Variants in OPRL1 observed in about 807,000 individuals in gnomAD.
The protein encoded by OPRL1 is opioid related nociceptin receptor 1.
OPRL1 carries 5 observed loss-of-function variants against 15.5 expected under a neutral mutation model. The ratio of observed to expected loss-of-function variants is 0.32; its 90% CI spans 0.17 to 0.68. OPRL1 has a LOEUF of 0.68. Ranked by LOEUF, OPRL1 falls within the 30% of genes least tolerant of loss-of-function variation. The pLI, the probability that OPRL1 is intolerant of heterozygous loss-of-function variation, is 0.72. For synonymous variants in OPRL1, 223 were observed against 230.2 expected, an observed-to-expected ratio of 0.97 and a Z score of 0.28; for missense variants, 406 against 515.3, an observed-to-expected ratio of 0.79 and a Z score of 2.05.
At chr20:64,086,910 G>A (rs1022056658) in intron 1 of OPRL1, among the ~76,000 whole-genome samples, 2 of 152,142 alleles carry the variant, frequency 1.3e-5, no homozygotes, top group Non-Finnish European at 2.9e-5. Context: ...CTGCCCTGGG[G>A]GTGGGAGTGG....
At chr20:64,080,727 G>T (rs1035879748) in intron 1 of OPRL1, among the ~76,000 whole-genome samples, 4 of 152,134 alleles carry the variant, frequency 2.6e-5, no homozygotes, top group Non-Finnish European at 5.9e-5. Context: ...CCCTGCTCTG[G>T]AAGTGTCTGC....
Position 64,097,191 on chromosome 20 carries a change from TCAC to T in OPRL1, c.234-608_234-606del, listed in dbSNP as rs1000325653. Among the ~76,000 whole-genome samples, 2 of 152,114 alleles carry T rather than the reference TCAC, an allele frequency of 1.3e-5. No homozygotes were observed. Among genetic ancestry groups the T allele is most frequent in the African/African-American group, 4.8e-5 (2 of 41,398 alleles). On this transcript the variant is annotated intron_variant, in intron 3 of 4. Coordinates refer to ENST00000336866, the MANE Select transcript of OPRL1 (RefSeq NM_182647.4). The surrounding 1 kb of genome is among the most constrained non-coding windows in gnomAD (Gnocchi z 4.2). The stretch of plus-strand genomic sequence containing the variant: ...AACTTATTTAACAAAAATTTATTAA[TCAC>T]CAACGATTTTCCCAGCCCTTTCCAG...
At chr20:64,082,673 C>T (rs6122051) in intron 1 of OPRL1, among the ~76,000 whole-genome samples, 34,715 of 152,010 alleles carry the variant, frequency 0.23, 4,258 homozygotes, top group South Asian at 0.38. Flanking sequence ...GAGCTCACGT[C>T]GGGGAGAAAA....
chr20:64,095,391 TG>T (rs1227235560), intron 3 of OPRL1, among the ~76,000 whole-genome samples: 26 of 27,782 alleles, frequency 9.4e-4, no homozygotes, highest in African/African-American at 4.3e-3. Flanking sequence ...GGGCACAGCA[TG>T]GGGGGCAGCG....
At position 64,083,267 on chromosome 20, in the gene OPRL1, G is replaced by T; in HGVS notation, c.-185+2915G>T. 2.1e-6 allele frequency: 2 copies of T among 973,812 alleles called. No homozygotes were observed. The highest frequency in any genetic ancestry group is 3.0e-6 in the Non-Finnish European group (2 of 666,944). The allele number at this position is 973,812 out of a possible 1,614,324, so 60.3% of individuals were successfully genotyped here. A position where few individuals can be genotyped will look rare whatever the true frequency, so the allele number is the denominator to read the frequency against. ...GCGTCTCCCCACTTTTTTGGGAGAG[G>T]CCCCACTCTCTGTACCCTGATGTCT... On this transcript the variant is annotated intron_variant, in intron 1 of 4. Coordinates refer to ENST00000336866, the MANE Select transcript of OPRL1 (RefSeq NM_182647.4). The surrounding 1 kb of genome is among the most constrained non-coding windows in gnomAD (Gnocchi z 4.9).
Position 64,092,918 on chromosome 20 carries a change from C to T in OPRL1, c.198C>T (p.Leu66=), listed in dbSNP as rs1978373436. The T allele has an allele frequency of 6.2e-7, 1 of 1,612,666 alleles. No individual in the cohort carries two copies. Among genetic ancestry groups the T allele is most frequent in the Non-Finnish European group, 8.5e-7 (1 of 1,179,902 alleles). ...ACCTGGCCGTGTGTGTCGGAGGGCT[C>T]CTGGGGAACTGCCTTGTCATGTACG... ...GLYLAVCVGG[L]LGNCLVMYVI... is the part of the protein sequence containing the mutation. The change falls in exon 3 of 5, where the codon CTC becomes CTT. Residue 66 remains leucine (L), a synonymous_variant. Transcript: ENST00000336866.
rs1340684071 is a variant in OPRL1, at chr20:64,100,174, G to A, written c.*1375G>A. On this transcript the variant is annotated 3_prime_UTR_variant, in exon 5 of 5. Transcript: ENST00000336866. Reference sequence around the variant, plus strand: ...GGTCACCCAGAGAATCACCCTTCCTGGTCTACAGATGGAAGCTGCAGGTTG... The same window carrying A: ...GGTCACCCAGAGAATCACCCTTCCTAGTCTACAGATGGAAGCTGCAGGTTG... 6.6e-6 allele frequency: 1 copy of A among 152,152 alleles called. No individual in the cohort carries two copies. The highest frequency in any genetic ancestry group is 1.5e-5 in the Non-Finnish European group (1 of 68,036). The allele number at this position is 152,152 out of a possible 1,614,324, so 9.4% of individuals were successfully genotyped here. A position where few individuals can be genotyped will look rare whatever the true frequency, so the allele number is the denominator to read the frequency against.
At chr20:64,092,594 C>A (rs955835104) in intron 2 of OPRL1, 94 bp from the exon 3 acceptor site, 3 of 902,558 alleles carry the variant, frequency 3.3e-6, no homozygotes, top group African/African-American at 3.3e-5. Context: ...GCGTGGGGGT[C>A]CATGTGCCTG....
chr20:64,080,650 C>G (rs1365270369), intron 1 of OPRL1, among the ~76,000 whole-genome samples: 1 of 152,194 alleles, frequency 6.6e-6, no homozygotes, highest in African/African-American at 2.4e-5. Flanking sequence ...TCCTTTATGA[C>G]TCGGTACAGA....
intron 1 of OPRL1, among the ~76,000 whole-genome samples, chr20:64,085,302 A>G (rs987668562): frequency 1.4e-4 from 21 of 152,136 alleles, no homozygotes; most frequent in African/African-American, 4.3e-4. Context: ...TCTGATGGCC[A>G]GGGGGCTCTG....
Position 64,083,320 on chromosome 20 carries a change from A to G in OPRL1, c.-185+2968A>G. The stretch of plus-strand genomic sequence containing the variant: ...GAGGTGCATGGGAGAGGCAGCGTCC[A>G]TACTCCCCGCTTCCCTCGGGGTCCT... On this transcript the variant is annotated intron_variant, in intron 1 of 4. Coordinates refer to ENST00000336866, the MANE Select transcript of OPRL1 (RefSeq NM_182647.4). The surrounding 1 kb of genome is among the most constrained non-coding windows in gnomAD (Gnocchi z 4.9). 1 of 1,479,260 alleles carries G rather than the reference A, an allele frequency of 6.8e-7. No individual in the cohort carries two copies. Among genetic ancestry groups the G allele is most frequent in the Admixed American group, 1.9e-5 (1 of 53,392 alleles). The allele number at this position is 1,479,260 out of a possible 1,614,324, so 91.6% of individuals were successfully genotyped here.
intron 1 of OPRL1, among the ~76,000 whole-genome samples, 197 bp from the exon 2 acceptor site, chr20:64,091,767 CGT>C (rs971271517): frequency 1.2e-4 from 18 of 151,832 alleles, no homozygotes; most frequent in African/African-American, 3.4e-4. Flanking sequence ...CTGGCCTGTG[CGT>C]GTGTGTCTGT....
chr20:64,100,390 C>G lies in OPRL1; in HGVS notation c.*1591C>G, dbSNP rs1343052244. 1 of 152,286 alleles carries G rather than the reference C, an allele frequency of 6.6e-6. No homozygotes were observed. Among genetic ancestry groups the G allele is most frequent in the African/African-American group, 2.4e-5 (1 of 41,446 alleles). 9.4% of individuals were successfully genotyped at this position (152,286 alleles called of 1,614,324 possible). On this transcript the variant is annotated 3_prime_UTR_variant, in exon 5 of 5. Transcript: ENST00000336866. ...CTCTGGGGAGTCTAGGCCGTGGGGA[C>G]TGTTCTGGGGAGGCTCATGCTGTCT...
intron 1 of OPRL1, chr20:64,084,319 C>T: frequency 5.4e-6 from 7 of 1,292,196 alleles, no homozygotes; most frequent in East Asian, 3.2e-5. Context: ...GCCCCAGCTC[C>T]CGCCCGCTGG....
chr20:64,084,569 A>G (rs2060021491), intron 1 of OPRL1, among the ~76,000 whole-genome samples: 1 of 152,190 alleles, frequency 6.6e-6, no homozygotes, highest in Non-Finnish European at 1.5e-5. Flanking sequence ...AGGCCCTGCC[A>G]CATGGAGAGC....
chr20:64,088,856 G>GCCAGGATCTGT (rs1196856627), intron 1 of OPRL1, among the ~76,000 whole-genome samples: 4 of 137,534 alleles, frequency 2.9e-5, no homozygotes, highest in Admixed American at 7.1e-5. Flanking sequence ...GTGCAGGGAG[G>GCCAGGATCTGT]GCAGGGTCTG....
chr20:64,088,696 A>AG (rs2060083114), intron 1 of OPRL1, among the ~76,000 whole-genome samples: 2 of 43,966 alleles, frequency 4.5e-5, no homozygotes, highest in Admixed American at 2.5e-4. Flanking sequence ...CTGTGCAGGG[A>AG]GGCCAGGGTC....
Position 64,099,125 on chromosome 20 carries a change from C to CATGTGACTCTTGG in OPRL1, c.*326_*327insATGTGACTCTTGG, listed in dbSNP as rs1384913195. 8.4e-5 allele frequency: 32 copies of CATGTGACTCTTGG among 381,260 alleles called. No individual in the cohort carries two copies. The highest frequency in any genetic ancestry group is 4.9e-4 in the African/African-American group (24 of 48,584). 23.6% of individuals were successfully genotyped at this position (381,260 alleles called of 1,614,324 possible). A position where few individuals can be genotyped will look rare whatever the true frequency, so the allele number is the denominator to read the frequency against. ...GGACGGCCGTGACTGGAGCCCGTGC[C>CATGTGACTCTTGG]CCTCCCTCCCCGTGCTTCATGTGAC... On this transcript the variant is annotated 3_prime_UTR_variant, in exon 5 of 5. Coordinates refer to ENST00000336866, the MANE Select transcript of OPRL1 (RefSeq NM_182647.4).
intron 2 of OPRL1, among the ~76,000 whole-genome samples, chr20:64,092,476 C>T (rs2060129487): frequency 6.6e-6 from 1 of 152,020 alleles, no homozygotes; most frequent in African/African-American, 2.4e-5. Context: ...TCTGTGAGTC[C>T]CTGTCTGTGC....
Sources: gnomAD v4.1 joint callset for allele counts (sites outside exome capture counted in the v4.1 genomes callset) on GRCh38, gnomAD v4.1.1 for gene constraint, Gnocchi (gnomAD v3.1) non-coding constraint, MANE v1.5 for transcripts, NCBI Gene and HGNC (gene_info 2026-07-23, HGNC 2026-07-21) for gene names.